The following MDGA2 variants were observed in gnomAD, a reference collection of about 807,000 sequenced individuals.
MDGA2 encodes MAM domain-containing glycosylphosphatidylinositol anchor protein 2.
In MDGA2, 40 loss-of-function variants were observed where a neutral mutation model predicts 117.8. The ratio of observed to expected loss-of-function variants is 0.34; its 90% CI spans 0.26 to 0.44. The LOEUF (loss-of-function observed/expected upper bound fraction) is 0.44. Among genes scored for constraint, MDGA2 ranks in the 20% least tolerant of loss-of-function variants. The pLI is 1.00. For synonymous variants in MDGA2, 452 were observed against 439.0 expected, an observed-to-expected ratio of 1.03 and a Z score of -0.37; for missense variants, 1,123 against 1,250.6, an observed-to-expected ratio of 0.90 and a Z score of 1.54.
At chr14:46,986,661 A>C (rs1886870070) in intron 8 of MDGA2, among the ~76,000 whole-genome samples, 1 of 152,132 alleles carries the variant, frequency 6.6e-6, no homozygotes, top group Non-Finnish European at 1.5e-5. Flanking sequence ...GAAATCAACT[A>C]CCCAAAAGAC....
chr14:47,171,088 C>T (rs1884109173), intron 3 of MDGA2, among the ~76,000 whole-genome samples: 1 of 152,092 alleles, frequency 6.6e-6, no homozygotes, highest in Admixed American at 6.6e-5. Context: ...CATTGGCTCA[C>T]AACCCCAAGG....
Position 47,206,299 on chromosome 14 carries a change from CAT to C in MDGA2, c.595+11720_595+11721del, listed in dbSNP as rs1329642102. The stretch of plus-strand genomic sequence containing the variant: ...AGTTATCACAGACTTTAATTTAAAA[CAT>C]ATAGAGAGGCCAGGCCTGGTGGCTC... On this transcript the variant is annotated intron_variant, in intron 3 of 16. Transcript: ENST00000399232. Among the ~76,000 whole-genome samples the C allele has an allele frequency of 1.3e-5, 2 of 151,856 alleles. 1 individual carries two copies. Among genetic ancestry groups the C allele is most frequent in the Non-Finnish European group, 2.9e-5 (2 of 67,882 alleles).
rs1224703370 is a variant in MDGA2 at position 47,588,227 on chromosome 14, GAGAT to G, written c.280+86286_280+86289del. The stretch of plus-strand genomic sequence containing the variant: ...TAAAACTATATTTTCAAATCTCTTG[GAGAT>G]AGATAGATATATATATATATATATA... On this transcript the variant is annotated intron_variant, in intron 1 of 16. Transcript: ENST00000399232. Among the ~76,000 whole-genome samples, 165 of 79,184 alleles carry G rather than the reference GAGAT, an allele frequency of 2.1e-3. 2 individuals carry two copies. Among genetic ancestry groups the G allele is most frequent in the African/African-American group, 7.4e-3 (142 of 19,156 alleles). 51.9% of individuals were successfully genotyped at this position (79,184 alleles called of 152,430 possible).
chr14:47,173,882 T>A (rs1884305290), intron 3 of MDGA2, among the ~76,000 whole-genome samples: 1 of 152,150 alleles, frequency 6.6e-6, no homozygotes, highest in Non-Finnish European at 1.5e-5. Flanking sequence ...GACCCATCAG[T>A]GTGCTGTATT....
At chr14:47,319,563 G>T (rs1003541528) in intron 1 of MDGA2, among the ~76,000 whole-genome samples, 1 of 151,908 alleles carries the variant, frequency 6.6e-6, no homozygotes, top group Non-Finnish European at 1.5e-5. Flanking sequence ...ATCTCTTCAG[G>T]CTCATCTCCA....
intron 6 of MDGA2, among the ~76,000 whole-genome samples, chr14:47,094,262 C>T (rs1352239058): frequency 6.6e-6 from 1 of 151,912 alleles, no homozygotes; most frequent in Non-Finnish European, 1.5e-5. Flanking sequence ...CAAATGTACA[C>T]ATCAGATAAA....
intron 1 of MDGA2, among the ~76,000 whole-genome samples, chr14:47,326,459 T>C (rs977032137): frequency 6.6e-6 from 1 of 152,104 alleles, no homozygotes; most frequent in Admixed American, 6.6e-5. Context: ...CATTGTACTA[T>C]AGCACCCCTC....
chr14:47,586,505 G>A (rs904317622), intron 1 of MDGA2, among the ~76,000 whole-genome samples: 2 of 151,928 alleles, frequency 1.3e-5, no homozygotes, highest in African/African-American at 4.8e-5. Flanking sequence ...AACATGATAG[G>A]CATCAAAGAA....
At chr14:46,929,657 TTTTTTTTTTTC>T (rs1884487994) in intron 9 of MDGA2, among the ~76,000 whole-genome samples, 3 of 68,192 alleles carry the variant, frequency 4.4e-5, no homozygotes, top group Non-Finnish European at 7.7e-5. Context: ...ACATTTTTTT[TTTTTTTTTTTC>T]GAGATGGACT....
At chr14:46,922,175 A>C (rs1340638133) in intron 9 of MDGA2, among the ~76,000 whole-genome samples, 1 of 152,198 alleles carries the variant, frequency 6.6e-6, no homozygotes, top group Non-Finnish European at 1.5e-5. Flanking sequence ...TAACAGATAC[A>C]TGAAATAAGA....
intron 2 of MDGA2, among the ~76,000 whole-genome samples, chr14:47,225,794 C>G (rs1247506402): frequency 4.0e-5 from 6 of 150,330 alleles, no homozygotes; most frequent in Non-Finnish European, 5.9e-5. Flanking sequence ...CACATGTACC[C>G]TAAAACTTAA....
At chr14:47,008,709 G>A (rs746141774) in intron 8 of MDGA2, among the ~76,000 whole-genome samples, 4 of 151,618 alleles carry the variant, frequency 2.6e-5, no homozygotes, top group Non-Finnish European at 2.9e-5. Context: ...TATCTGCCCT[G>A]GAAGTACAGT....
At chr14:47,667,188 C>G (rs1166847691) in intron 1 of MDGA2, among the ~76,000 whole-genome samples, 1 of 152,174 alleles carries the variant, frequency 6.6e-6, no homozygotes, top group Admixed American at 6.5e-5. Context: ...GAGAACTGAA[C>G]CTAAACAGGC....
At chr14:47,038,822 G>A (rs1235694757) in intron 7 of MDGA2, among the ~76,000 whole-genome samples, 24 of 151,530 alleles carry the variant, frequency 1.6e-4, no homozygotes, top group Admixed American at 1.5e-3. Context: ...GGCGCCTGGA[G>A]TCCTAGCTAC....
chr14:47,240,287 A>G (rs2139602423), intron 2 of MDGA2, among the ~76,000 whole-genome samples: 1 of 151,752 alleles, frequency 6.6e-6, no homozygotes, highest in East Asian at 1.9e-4. Context: ...CTCCTGATCC[A>G]CCCACCTTGG....
chr14:47,520,875 C>T (rs1295884130), intron 1 of MDGA2, among the ~76,000 whole-genome samples: 4 of 152,078 alleles, frequency 2.6e-5, no homozygotes, highest in Admixed American at 2.6e-4. Context: ...ATTGACCTTC[C>T]TCAAAGTACA....
chr14:47,665,119 C>A (rs1897919346), intron 1 of MDGA2, among the ~76,000 whole-genome samples: 1 of 152,122 alleles, frequency 6.6e-6, no homozygotes, highest in African/African-American at 2.4e-5. Flanking sequence ...ACTGTTCCTC[C>A]ACCTAGAACC....
intron 1 of MDGA2, among the ~76,000 whole-genome samples, chr14:47,543,026 A>G (rs371378669): frequency 4.6e-5 from 7 of 152,126 alleles, no homozygotes; most frequent in African/African-American, 1.4e-4. Flanking sequence ...CCTGAGAAAC[A>G]TGGCAAAAAC....
intron 6 of MDGA2, among the ~76,000 whole-genome samples, chr14:47,075,677 A>G (rs1890464120): frequency 6.6e-6 from 1 of 152,238 alleles, no homozygotes; most frequent in African/African-American, 2.4e-5. Flanking sequence ...AAACATTTAT[A>G]CACATTTATA....
Sources: gnomAD v4.1 joint callset for allele counts (sites outside exome capture counted in the v4.1 genomes callset) on GRCh38, gnomAD v4.1.1 for gene constraint, MANE v1.5 for transcripts, NCBI Gene and HGNC (gene_info 2026-07-23, HGNC 2026-07-21) for gene names.